Variants in ERI3 observed in about 807,000 individuals in gnomAD.
ERI3 encodes the protein ERI1 exoribonuclease 3.
A neutral mutation model predicts 44.4 loss-of-function variants in ERI3; 18 were observed. The observed-to-expected ratio is 0.41, with a 90% confidence interval of 0.28 to 0.60. The LOEUF (loss-of-function observed/expected upper bound fraction) is 0.60, where lower values mean the gene tolerates loss of function less well. Ranked by LOEUF, ERI3 falls within the 20% of genes least tolerant of loss-of-function variation. The pLI, the probability that ERI3 is intolerant of heterozygous loss-of-function variation, is 0.36. For synonymous variants in ERI3, 183 were observed against 164.8 expected (o/e 1.11, Z -0.84); for missense variants, 294 against 435.5 (o/e 0.68, Z 2.89).
At chr1:44,342,840 TATATATATATATATATA>T (rs1390284869) in intron 2 of ERI3, among the ~76,000 whole-genome samples, 3 of 30,618 alleles carry the variant, frequency 9.8e-5, no homozygotes, top group African/African-American at 4.5e-4. Flanking sequence ...TATATATATA[TATATATATATATATATA>T]TTTTTTTTTT....
At chr1:44,239,864 G>C (rs938604136) in intron 8 of ERI3, among the ~76,000 whole-genome samples, 1 of 152,210 alleles carries the variant, frequency 6.6e-6, no homozygotes, top group Non-Finnish European at 1.5e-5. Flanking sequence ...CACATCAAAC[G>C]GCAGGATCTG....
Position 44,334,868 on chromosome 1 carries a change from T to C in ERI3, c.489+4177A>G, listed in dbSNP as rs540384106. 5.3e-5 allele frequency among the ~76,000 whole-genome samples: 8 copies of C among 152,350 alleles called. No homozygotes were observed. The East Asian group carries it at 1.5e-3, about 29-fold the overall frequency. ...TTTTCGTGATGGCATTCCTTTAAGA[T>C]AGTCCCAATAAGCTGACTCAACTAA... On this transcript the variant is annotated intron_variant, in intron 3 of 8. Coordinates refer to ENST00000372257, the MANE Select transcript of ERI3 (RefSeq NM_024066.3).
intron 2 of ERI3, among the ~76,000 whole-genome samples, chr1:44,344,233 C>CAATAAATA (rs10652551): frequency 0.033 from 4,705 of 142,588 alleles, 94 homozygotes; most frequent in African/African-American, 0.048. Flanking sequence ...GACTCCATCT[C>CAATAAATA]AATAAATAAA....
intron 7 of ERI3, among the ~76,000 whole-genome samples, chr1:44,277,541 T>C (rs564304617): frequency 3.9e-5 from 6 of 152,332 alleles, no homozygotes; most frequent in African/African-American, 1.4e-4. Context: ...TTGGCTCCTG[T>C]TCCTATCATG....
intron 2 of ERI3, among the ~76,000 whole-genome samples, chr1:44,339,869 G>C (rs1267983973): frequency 6.6e-6 from 1 of 152,088 alleles, no homozygotes; most frequent in Non-Finnish European, 1.5e-5. Flanking sequence ...CCTCTCCCAA[G>C]GTGAAGGCAA....
intron 7 of ERI3, among the ~76,000 whole-genome samples, chr1:44,274,272 C>CAAT (rs1390019319): frequency 6.6e-6 from 1 of 152,198 alleles, no homozygotes; most frequent in African/African-American, 2.4e-5. Flanking sequence ...TTCAGTCCTG[C>CAAT]AATATTGGCT....
At chr1:44,293,656 G>A (rs1002795435) in intron 6 of ERI3, among the ~76,000 whole-genome samples, 3 of 152,250 alleles carry the variant, frequency 2.0e-5, no homozygotes, top group South Asian at 2.1e-4. Flanking sequence ...AATGGAGGAT[G>A]AGAGTGGGAA....
At chr1:44,262,092 G>GA (rs1393783229) in intron 7 of ERI3, among the ~76,000 whole-genome samples, 2 of 152,296 alleles carry the variant, frequency 1.3e-5, no homozygotes, top group South Asian at 2.1e-4. Context: ...GCCAGATGGT[G>GA]AAAGTAGGTG....
At chr1:44,285,059 A>T in intron 6 of ERI3, 152 bp from the exon 7 acceptor site, 1 of 635,338 alleles carries the variant, frequency 1.6e-6, no homozygotes, top group Non-Finnish European at 2.8e-6. Flanking sequence ...AAGAAAGGGA[A>T]CCCCACCTCC....
intron 8 of ERI3, among the ~76,000 whole-genome samples, chr1:44,246,501 C>A (rs899540265): frequency 6.6e-6 from 1 of 152,256 alleles, no homozygotes; most frequent in African/African-American, 2.4e-5. Context: ...CTTCCCCAGG[C>A]CTGTTGGTCA....
intron 4 of ERI3, among the ~76,000 whole-genome samples, chr1:44,317,168 T>A (rs1396241402): frequency 1.8e-5 from 2 of 110,590 alleles, no homozygotes; most frequent in East Asian, 5.4e-4. Context: ...ACACACACAC[T>A]GGGGTTAAGA....
At chr1:44,262,244 G>GCCTA (rs1644909546) in intron 7 of ERI3, among the ~76,000 whole-genome samples, 1 of 152,140 alleles carries the variant, frequency 6.6e-6, no homozygotes, top group African/African-American at 2.4e-5. Flanking sequence ...CCCCATGCTA[G>GCCTA]CCTACACTTG....
chr1:44,333,194 A>G (rs955459060), intron 3 of ERI3, among the ~76,000 whole-genome samples: 2 of 152,268 alleles, frequency 1.3e-5, no homozygotes, highest in Non-Finnish European at 1.5e-5. Flanking sequence ...ACGCCAGATG[A>G]GGCTAAGTTA....
In ERI3 at chr1:44,316,080, G is replaced by A. The variant is rs545568597; in HGVS notation, c.607-2852C>T. 7.2e-5 allele frequency among the ~76,000 whole-genome samples: 11 copies of A among 151,908 alleles called. No homozygotes were observed. In the South Asian group the frequency reaches 2.3e-3, roughly 32 times the overall value. On this transcript the variant is annotated intron_variant, in intron 4 of 8. Coordinates refer to ENST00000372257, the MANE Select transcript of ERI3 (RefSeq NM_024066.3). ...TTTATACAGGATGCTATGAGGGAAC[G>A]AGACAATTTTATCAAATTAATACTG...
intron 7 of ERI3, among the ~76,000 whole-genome samples, chr1:44,259,084 CAT>C (rs1442607388): frequency 2.0e-5 from 3 of 152,210 alleles, no homozygotes; most frequent in African/African-American, 4.8e-5. Flanking sequence ...GCTATATGCA[CAT>C]ATATAGCAAC....
rs1424180727 is a variant in ERI3 at position 44,241,428 on chromosome 1, AACACATGCTCACACATGCAC to A, written c.931+6491_931+6510del. 2.6e-5 allele frequency among the ~76,000 whole-genome samples: 4 copies of A among 151,976 alleles called. No individual in the cohort carries two copies. The highest frequency in any genetic ancestry group is 5.9e-5 in the Non-Finnish European group (4 of 67,996). ...CACCGCACGCCCTCACACACACTCA[AACACATGCTCACACATGCAC>A]ACACATGCACACACTTCACTGACTC... On this transcript the variant is annotated intron_variant, in intron 8 of 8. Coordinates refer to ENST00000372257, the MANE Select transcript of ERI3 (RefSeq NM_024066.3). This position sits in a 1 kb window ranked among gnomAD's most constrained non-coding sequence, Gnocchi z 5.6.
intron 7 of ERI3, among the ~76,000 whole-genome samples, chr1:44,280,581 TG>T (rs888531165): frequency 6.6e-6 from 1 of 152,162 alleles, no homozygotes; most frequent in African/African-American, 2.4e-5. Flanking sequence ...CAACAGGGGC[TG>T]GGGATGCTAC....
chr1:44,335,797 A>T (rs1318453298), intron 3 of ERI3, among the ~76,000 whole-genome samples: 3 of 151,726 alleles, frequency 2.0e-5, no homozygotes, highest in Non-Finnish European at 4.4e-5. Context: ...AAAAAAAAGA[A>T]TCAAAGAATC....
At chr1:44,223,707 A>G (rs890885478) in intron 8 of ERI3, among the ~76,000 whole-genome samples, 1 of 151,940 alleles carries the variant, frequency 6.6e-6, no homozygotes, top group Admixed American at 6.6e-5. Flanking sequence ...CCCAGCCCCA[A>G]CCCCCAGGCC....
Sources: gnomAD v4.1 joint callset for allele counts (sites outside exome capture counted in the v4.1 genomes callset) on GRCh38, gnomAD v4.1.1 for gene constraint, Gnocchi (gnomAD v3.1) non-coding constraint, MANE v1.5 for transcripts, NCBI Gene and HGNC (gene_info 2026-07-23, HGNC 2026-07-21) for gene names.